The following NRG3 variants were observed in gnomAD, a reference collection of about 807,000 sequenced individuals.
NRG3 encodes pro-neuregulin-3, membrane-bound isoform.
Under a neutral mutation model 66.9 loss-of-function variants are expected in NRG3, and 31 were observed. The observed-to-expected ratio is 0.46, with a 90% CI of 0.35 to 0.63. The LOEUF is 0.63. Ranked by LOEUF, NRG3 falls within the 20% of genes least tolerant of loss-of-function variation. The probability of loss-of-function intolerance (pLI) is 0.00; values close to 1 mark genes in which losing one functional copy is unlikely to be tolerated. For missense variants in NRG3, 910 were observed against 878.9 expected (o/e 1.04, Z -0.45); for synonymous variants, 393 against 359.4 (o/e 1.09, Z -1.06).
chr10:82,919,778 C>T (rs1425435174), intron 4 of NRG3, among the ~76,000 whole-genome samples: 2 of 152,120 alleles, frequency 1.3e-5, no homozygotes, highest in African/African-American at 4.8e-5. Flanking sequence ...AATATCCATG[C>T]TATTCACGTG....
At chr10:82,345,868 C>T (rs2082986050) in intron 1 of NRG3, among the ~76,000 whole-genome samples, 1 of 151,312 alleles carries the variant, frequency 6.6e-6, no homozygotes, top group African/African-American at 2.4e-5. Context: ...CTCTGTTTAT[C>T]TGTTGTTGGT....
At chr10:82,195,518 C>G (rs1309368227) in intron 1 of NRG3, among the ~76,000 whole-genome samples, 1 of 152,024 alleles carries the variant, frequency 6.6e-6, no homozygotes, top group Non-Finnish European at 1.5e-5. Flanking sequence ...ACAAGCTCCC[C>G]CCACCATATC....
chr10:82,473,712 G>A (rs1841491425), intron 2 of NRG3, among the ~76,000 whole-genome samples: 1 of 152,136 alleles, frequency 6.6e-6, no homozygotes, highest in Non-Finnish European at 1.5e-5. Context: ...GTGAACTGAA[G>A]ATTGCAGAGA....
chr10:82,654,398 C>A (rs2051682010), intron 2 of NRG3, among the ~76,000 whole-genome samples: 1 of 152,066 alleles, frequency 6.6e-6, no homozygotes, highest in Non-Finnish European at 1.5e-5. Flanking sequence ...GGAATATAAA[C>A]CTTGGGTTAA....
chr10:82,826,936 A>C (rs1591642977), intron 3 of NRG3, among the ~76,000 whole-genome samples: 1 of 152,102 alleles, frequency 6.6e-6, no homozygotes, highest in East Asian at 1.9e-4. Context: ...AAGCCACTAA[A>C]ATAGTATTTC....
chr10:81,960,921 A>C (rs371589290), intron 1 of NRG3, among the ~76,000 whole-genome samples: 100 of 152,230 alleles, frequency 6.6e-4, no homozygotes, highest in African/African-American at 2.2e-3. Context: ...CTCCAAGCCT[A>C]TCCTTGTTCT....
intron 1 of NRG3, among the ~76,000 whole-genome samples, chr10:81,918,583 G>A (rs1393732561): frequency 6.6e-6 from 1 of 152,140 alleles, no homozygotes; most frequent in African/African-American, 2.4e-5. Context: ...GAAGCATAAA[G>A]GGAAGCCATT....
intron 1 of NRG3, among the ~76,000 whole-genome samples, chr10:82,033,981 A>G (rs1047600757): frequency 1.3e-5 from 2 of 152,160 alleles, no homozygotes; most frequent in African/African-American, 4.8e-5. Flanking sequence ...TTGCATAAGC[A>G]CAAGTAATGA....
intron 1 of NRG3, among the ~76,000 whole-genome samples, chr10:82,062,750 A>G (rs2064231770): frequency 6.6e-6 from 1 of 152,146 alleles, no homozygotes; most frequent in African/African-American, 2.4e-5. Context: ...AAGTATCATC[A>G]TCAAAATGTG....
chr10:82,122,200 G>C (rs190888633), intron 1 of NRG3, among the ~76,000 whole-genome samples: 1 of 152,108 alleles, frequency 6.6e-6, no homozygotes, highest in Non-Finnish European at 1.5e-5. Context: ...AATAGTAACT[G>C]ATTTTTTAAT....
intron 1 of NRG3, among the ~76,000 whole-genome samples, chr10:82,293,333 A>G (rs78425341): frequency 1.9e-5 from 2 of 105,750 alleles, no homozygotes; most frequent in African/African-American, 2.5e-4. Context: ...CATTGTTCAG[A>G]AAAAAAAATA....
chr10:82,062,043 A>T (rs2064182565), intron 1 of NRG3, among the ~76,000 whole-genome samples: 1 of 152,168 alleles, frequency 6.6e-6, no homozygotes. Flanking sequence ...ATAGCTATCC[A>T]AAGATAGCTT....
chr10:82,706,993 CAA>C (rs200718701), intron 2 of NRG3, among the ~76,000 whole-genome samples: 38,135 of 122,744 alleles, frequency 0.31, 5,188 homozygotes, highest in Middle Eastern at 0.42. Context: ...GACTCCATCT[CAA>C]AAAAAAAAAA....
At chr10:82,677,450 T>C (rs1306385040) in intron 2 of NRG3, among the ~76,000 whole-genome samples, 4 of 152,172 alleles carry the variant, frequency 2.6e-5, no homozygotes, top group Non-Finnish European at 5.9e-5. Context: ...CTGACACTTT[T>C]ACACACAACA....
chr10:82,132,153 A>G (rs766747876), intron 1 of NRG3, among the ~76,000 whole-genome samples: 5 of 152,010 alleles, frequency 3.3e-5, no homozygotes, highest in South Asian at 4.1e-4. Context: ...CCTGTTTAGT[A>G]TGATACTAGC....
intron 3 of NRG3, among the ~76,000 whole-genome samples, chr10:82,781,197 G>C (rs773351379): frequency 1.3e-5 from 2 of 152,098 alleles, no homozygotes; most frequent in Non-Finnish European, 2.9e-5. Context: ...GTTGTCTGTT[G>C]TGTTATCTTT....
At chr10:82,025,502 T>C (rs923402274) in intron 1 of NRG3, among the ~76,000 whole-genome samples, 2 of 151,958 alleles carry the variant, frequency 1.3e-5, no homozygotes, top group African/African-American at 4.8e-5. Flanking sequence ...CATTTCTTAA[T>C]AGAGAAATGC....
intron 3 of NRG3, among the ~76,000 whole-genome samples, chr10:82,832,602 T>A (rs767560336): frequency 7.2e-5 from 11 of 152,140 alleles, no homozygotes; most frequent in Non-Finnish European, 1.6e-4. Flanking sequence ...TTTAATAACA[T>A]TGCATTGTTA....
At chr10:82,260,648 G>A (rs2077976919) in intron 1 of NRG3, among the ~76,000 whole-genome samples, 1 of 152,208 alleles carries the variant, frequency 6.6e-6, no homozygotes, top group Non-Finnish European at 1.5e-5. Context: ...GAGTGGTAGT[G>A]ACTGGTGACA....
Sources: allele counts gnomAD v4.1 joint callset (sites outside exome capture counted in the v4.1 genomes callset), GRCh38; gene constraint gnomAD v4.1.1; transcripts MANE v1.5; gene names NCBI Gene and HGNC (gene_info 2026-07-23, HGNC 2026-07-21).